The following KIAA0232 variants were observed in gnomAD, a reference collection of about 807,000 sequenced individuals.
KIAA0232 encodes the protein KIAA0232.
A neutral mutation model predicts 122.0 loss-of-function variants in KIAA0232; 27 were observed. That is an observed-to-expected ratio of 0.22 (90% CI 0.16 to 0.31). The LOEUF (loss-of-function observed/expected upper bound fraction) is 0.31. Among genes scored for constraint, KIAA0232 ranks in the 10% least tolerant of loss-of-function variants. KIAA0232 has a pLI of 1.00. For missense variants in KIAA0232, 1,551 were observed against 1,634.2 expected (o/e 0.95, Z 0.88); for synonymous variants, 613 against 587.6 (o/e 1.04, Z -0.63).
intron 1 of KIAA0232, among the ~76,000 whole-genome samples, chr4:6,794,537 A>T (rs1577354399): frequency 6.6e-6 from 1 of 152,222 alleles, no homozygotes; most frequent in East Asian, 1.9e-4. Context: ...AATTAGTGCC[A>T]AGGGGAAAAA....
chr4:6,822,843 A>C (rs1275435143), intron 2 of KIAA0232, among the ~76,000 whole-genome samples: 2 of 150,446 alleles, frequency 1.3e-5, no homozygotes, highest in Admixed American at 6.6e-5. Flanking sequence ...TTAGTTACAT[A>C]TGTATACATG....
At chr4:6,807,294 A>G (rs549529270) in intron 2 of KIAA0232, among the ~76,000 whole-genome samples, 28 of 152,360 alleles carry the variant, frequency 1.8e-4, no homozygotes, top group Non-Finnish European at 3.4e-4. Flanking sequence ...TTCTCTTGCT[A>G]TCAAGTAGTA....
At chr4:6,790,036 A>T (rs1430522440) in intron 1 of KIAA0232, among the ~76,000 whole-genome samples, 1 of 152,182 alleles carries the variant, frequency 6.6e-6, no homozygotes, top group African/African-American at 2.4e-5. Flanking sequence ...CTCAAGAAAA[A>T]AAAAAGAGTG....
intron 2 of KIAA0232, among the ~76,000 whole-genome samples, chr4:6,806,491 T>G (rs1345425512): frequency 6.6e-6 from 1 of 151,844 alleles, no homozygotes; most frequent in African/African-American, 2.4e-5. Flanking sequence ...TCCCAGCACT[T>G]TGGGAGGCCG....
chr4:6,828,064 T>A (rs1718785052), intron 3 of KIAA0232, among the ~76,000 whole-genome samples: 1 of 152,250 alleles, frequency 6.6e-6, no homozygotes, highest in African/African-American at 2.4e-5. Flanking sequence ...CTACCAAACT[T>A]GGTAATATTT....
At chr4:6,857,781 G>C (rs1056500133) in intron 5 of KIAA0232, among the ~76,000 whole-genome samples, 1 of 152,142 alleles carries the variant, frequency 6.6e-6, no homozygotes, top group Non-Finnish European at 1.5e-5. Context: ...TTTCTAACTT[G>C]TTTGCAATCC....
chr4:6,860,171 A>G (rs1359649599), intron 6 of KIAA0232, among the ~76,000 whole-genome samples: 3 of 152,186 alleles, frequency 2.0e-5, no homozygotes, highest in Non-Finnish European at 4.4e-5. Flanking sequence ...GCCAGGCAGT[A>G]TGCTAGCAGT....
chr4:6,823,499 C>G (rs1329569552), intron 2 of KIAA0232, among the ~76,000 whole-genome samples: 1 of 152,186 alleles, frequency 6.6e-6, no homozygotes, highest in Non-Finnish European at 1.5e-5. Context: ...TGGTACTCCA[C>G]CTTTATTTGT....
chr4:6,807,056 A>ATCTG (rs1717655137), intron 2 of KIAA0232, among the ~76,000 whole-genome samples: 2 of 151,204 alleles, frequency 1.3e-5, no homozygotes, highest in Non-Finnish European at 2.9e-5. Context: ...CTATCTATCT[A>ATCTG]TCTATCTATC....
At chr4:6,818,292 T>C (rs1469306533) in intron 2 of KIAA0232, among the ~76,000 whole-genome samples, 4 of 151,226 alleles carry the variant, frequency 2.6e-5, no homozygotes, top group Non-Finnish European at 5.9e-5. Flanking sequence ...TCCCAGCTAC[T>C]CGGGAGGCCG....
At chr4:6,821,228 A>T (rs780144184) in intron 2 of KIAA0232, among the ~76,000 whole-genome samples, 38 of 151,898 alleles carry the variant, frequency 2.5e-4, no homozygotes, top group Non-Finnish European at 4.3e-4. Flanking sequence ...TTTTATTTTT[A>T]TTTTTTATTT....
Position 6,824,429 on chromosome 4 carries a change from TTA to T in KIAA0232, c.-24_-23del. The T allele has an allele frequency of 6.3e-7, 1 of 1,583,192 alleles. No individual in the cohort carries two copies. Among genetic ancestry groups the T allele is most frequent in the Non-Finnish European group, 8.7e-7 (1 of 1,151,786 alleles). On this transcript the variant is annotated 5_prime_UTR_variant, in exon 3 of 10. It introduces an in-frame stop codon into an upstream open reading frame of the 5' UTR. Transcript: ENST00000307659. ...TCAACTGCAGAAAATGCTTCACATT[TTA>T]AGGATGTCGGCAACCTAAATTCATG...
chr4:6,836,461 T>C (rs527578199), intron 3 of KIAA0232, among the ~76,000 whole-genome samples: 5 of 151,748 alleles, frequency 3.3e-5, no homozygotes, highest in Admixed American at 3.3e-4. Context: ...TTCTCACTTT[T>C]TCCTGATTTC....
chr4:6,871,631 T>C lies in KIAA0232; in HGVS notation c.3859T>C (p.Trp1287Arg). Residue 1287 changes from tryptophan (W) to arginine (R), a missense_variant, in exon 8 of 10, where the codon TGG (tryptophan) becomes CGG (arginine). This residue lies in a region of KIAA0232 where 1,108 missense variants were observed against 1,154.8 expected (regional missense o/e 0.96). Transcript: ENST00000307659. ...GAATAGAAGTCAAGAAAAACAGACC[T>C]GGTGGGAAAAAGCCTTGTACTCTCC... Reference protein sequence around the residue: ...GMNRSQEKQTWWEKALYSPLF... With the variant: ...GMNRSQEKQTRWEKALYSPLF... The C allele has an allele frequency of 6.2e-7, 1 of 1,613,112 alleles. No individual in the cohort carries two copies.
At chr4:6,790,504 C>A (rs535166310) in intron 1 of KIAA0232, among the ~76,000 whole-genome samples, 34 of 151,152 alleles carry the variant, frequency 2.2e-4, no homozygotes, top group African/African-American at 8.0e-4. Flanking sequence ...AAGTGATCCT[C>A]CTGCCTCAGC....
chr4:6,857,046 G>C, intron 4 of KIAA0232, 118 bp from the exon 5 acceptor site: 2 of 604,476 alleles, frequency 3.3e-6, no homozygotes, highest in South Asian at 6.7e-5. Context: ...ATATTGGTAA[G>C]ATATTTATTT....
chr4:6,818,145 G>A (rs184712606), intron 2 of KIAA0232, among the ~76,000 whole-genome samples: 156 of 152,234 alleles, frequency 1.0e-3, no homozygotes, highest in African/African-American at 3.4e-3. Flanking sequence ...GCTCACGCCT[G>A]TAATTGTAGC....
At chr4:6,791,912 A>G (rs1337293233) in intron 1 of KIAA0232, among the ~76,000 whole-genome samples, 1 of 152,150 alleles carries the variant, frequency 6.6e-6, no homozygotes, top group Non-Finnish European at 1.5e-5. Context: ...AATCATGGGG[A>G]CAGGTCTTTC....
chr4:6,814,635 T>A (rs1339825971), intron 2 of KIAA0232, among the ~76,000 whole-genome samples: 2 of 152,186 alleles, frequency 1.3e-5, no homozygotes, highest in South Asian at 2.1e-4. Context: ...GGTTGAAAGG[T>A]AGGAAGAGTC....
Sources: gnomAD v4.1 joint callset for allele counts (sites outside exome capture counted in the v4.1 genomes callset) on GRCh38, gnomAD v4.1.1 for gene constraint, gnomAD v4.1.1 regional missense constraint, MANE v1.5 for transcripts, NCBI Gene and HGNC (gene_info 2026-07-23, HGNC 2026-07-21) for gene names.